KIAA1328: variants seen among roughly 807,000 people sequenced by gnomAD.
KIAA1328 encodes KIAA1328, also known as protein hinderin.
KIAA1328 carries 52 observed loss-of-function variants against 68.1 expected under a neutral mutation model. The observed-to-expected ratio is 0.76, with a 90% confidence interval of 0.61 to 0.96. The LOEUF (loss-of-function observed/expected upper bound fraction) is 0.96, where lower values mean the gene tolerates loss of function less well. Among genes scored for constraint, KIAA1328 ranks in the 40% least tolerant of loss-of-function variants. The pLI is 0.00. For missense variants in KIAA1328, 641 were observed against 677.6 expected (o/e 0.95, Z 0.60); for synonymous variants, 232 against 239.4 (o/e 0.97, Z 0.28).
intron 9 of KIAA1328, among the ~76,000 whole-genome samples, chr18:37,207,094 G>T (rs1234293592): frequency 6.6e-6 from 1 of 152,130 alleles, no homozygotes; most frequent in Non-Finnish European, 1.5e-5. Flanking sequence ...GAGGTAAAAA[G>T]GAGAAAGCCT....
intron 7 of KIAA1328, among the ~76,000 whole-genome samples, chr18:37,142,854 T>C (rs961487833): frequency 2.0e-5 from 3 of 152,174 alleles, no homozygotes; most frequent in African/African-American, 7.2e-5. Context: ...AATTGAATTA[T>C]GATTCAATCA....
At chr18:36,925,807 T>C (rs2050094599) in intron 5 of KIAA1328, among the ~76,000 whole-genome samples, 1 of 152,086 alleles carries the variant, frequency 6.6e-6, no homozygotes, top group South Asian at 2.1e-4. Context: ...CCGAAGTGCT[T>C]GGATTACAGG....
intron 7 of KIAA1328, among the ~76,000 whole-genome samples, chr18:37,094,055 G>C (rs2057336545): frequency 6.6e-6 from 1 of 152,170 alleles, no homozygotes; most frequent in African/African-American, 2.4e-5. Flanking sequence ...GATGGTTTTG[G>C]GATGAAACTG....
At chr18:37,108,924 C>A (rs2057850228) in intron 7 of KIAA1328, among the ~76,000 whole-genome samples, 1 of 149,754 alleles carries the variant, frequency 6.7e-6, no homozygotes, top group African/African-American at 2.5e-5. Flanking sequence ...ACTATCCCTC[C>A]CCCAGCCCCC....
chr18:36,971,516 C>T (rs1331765316), intron 6 of KIAA1328, among the ~76,000 whole-genome samples: 6 of 152,100 alleles, frequency 3.9e-5, no homozygotes, highest in Non-Finnish European at 1.5e-5. Context: ...GTAATCCCAG[C>T]TACTTGGGAG....
At chr18:36,992,451 C>CTTTTTTTT (rs71168252) in intron 6 of KIAA1328, among the ~76,000 whole-genome samples, 35 of 130,064 alleles carry the variant, frequency 2.7e-4, no homozygotes, top group African/African-American at 1.1e-3. Flanking sequence ...TCTTTTCTTT[C>CTTTTTTTT]TTTTTTTTTT....
At chr18:37,083,376 G>A (rs577792119) in intron 7 of KIAA1328, among the ~76,000 whole-genome samples, 1 of 152,158 alleles carries the variant, frequency 6.6e-6, no homozygotes, top group South Asian at 2.1e-4. Flanking sequence ...TGATGAAAAT[G>A]ACAATATTGT....
chr18:37,222,550 T>C lies in KIAA1328; in HGVS notation c.*323T>C, dbSNP rs2060583484. On this transcript the variant is annotated 3_prime_UTR_variant, in exon 10 of 10. Coordinates refer to ENST00000280020, the MANE Select transcript of KIAA1328 (RefSeq NM_020776.3). ...GCCTCATTTCAAGAGTGTTTCCTTC[T>C]CAAACTTCTGCTAGAAAATGCTGAC... 1.7e-5 allele frequency: 19 copies of C among 1,103,410 alleles called. No homozygotes were observed. The highest frequency in any genetic ancestry group is 2.1e-5 in the Non-Finnish European group (19 of 903,568). 68.4% of individuals were successfully genotyped at this position (1,103,410 alleles called of 1,614,324 possible). A position where few individuals can be genotyped will look rare whatever the true frequency, so the allele number is the denominator to read the frequency against.
chr18:37,119,397 C>A (rs2058209114), intron 7 of KIAA1328, among the ~76,000 whole-genome samples: 1 of 152,066 alleles, frequency 6.6e-6, no homozygotes, highest in South Asian at 2.1e-4. Flanking sequence ...CTCAAACAAC[C>A]CGAAATTTAT....
At chr18:37,041,819 A>T (rs978451278) in intron 6 of KIAA1328, among the ~76,000 whole-genome samples, 2 of 151,904 alleles carry the variant, frequency 1.3e-5, no homozygotes, top group African/African-American at 4.8e-5. Context: ...TAAAATATAA[A>T]CTTTGTTTCA....
chr18:37,178,966 T>C (rs534969488), intron 9 of KIAA1328, among the ~76,000 whole-genome samples: 73 of 152,352 alleles, frequency 4.8e-4, no homozygotes, highest in African/African-American at 1.7e-3. Context: ...TTATATATTT[T>C]GCATAGTAAC....
At chr18:37,151,179 T>G (rs1178495633) in intron 7 of KIAA1328, among the ~76,000 whole-genome samples, 1 of 152,140 alleles carries the variant, frequency 6.6e-6, no homozygotes, top group African/African-American at 2.4e-5. Flanking sequence ...GCATTTATAG[T>G]ACCATCAAAA....
chr18:37,230,831 T>G (rs2060661033), downstream of KIAA1328: 1 of 152,220 alleles, frequency 6.6e-6, no homozygotes, highest in African/African-American at 2.4e-5. Flanking sequence ...TAGCATTTTC[T>G]TTCTTACAAA....
chr18:37,030,085 A>G (rs2054761683), intron 6 of KIAA1328, among the ~76,000 whole-genome samples: 1 of 151,860 alleles, frequency 6.6e-6, no homozygotes, highest in Non-Finnish European at 1.5e-5. Context: ...TATTATGCAC[A>G]TCTATTTTCT....
downstream of KIAA1328, among the ~76,000 whole-genome samples, chr18:37,228,485 G>T (rs1044136461): frequency 4.6e-5 from 7 of 152,060 alleles, no homozygotes; most frequent in Non-Finnish European, 1.0e-4. Context: ...TCAGTCAGTA[G>T]CCATCAACAT....
chr18:36,937,946 C>A (rs1043622931), intron 5 of KIAA1328, among the ~76,000 whole-genome samples: 1 of 151,996 alleles, frequency 6.6e-6, no homozygotes, highest in Non-Finnish European at 1.5e-5. Flanking sequence ...GAATTTCATT[C>A]TTTTTTATGG....
chr18:37,112,040 G>A (rs558308437), intron 7 of KIAA1328, among the ~76,000 whole-genome samples: 1 of 152,280 alleles, frequency 6.6e-6, no homozygotes, highest in East Asian at 1.9e-4. Flanking sequence ...GAACTGGGTG[G>A]AACCTACCGC....
In KIAA1328 at chr18:36,991,937, AGTT is replaced by A. The variant is rs1213170355; in HGVS notation, c.576+32506_576+32508del. 2.6e-5 allele frequency among the ~76,000 whole-genome samples: 4 copies of A among 152,302 alleles called. No individual in the cohort carries two copies. In the East Asian group the frequency reaches 7.7e-4, roughly 29 times the overall value. On this transcript the variant is annotated intron_variant, in intron 6 of 9. Coordinates refer to ENST00000280020, the MANE Select transcript of KIAA1328 (RefSeq NM_020776.3). ...GCCAGAAGGGACTACTGGGAGTTGTAGTTGTTCGGGGGCCACCACCATAACAGA... is the reference window on the plus strand; with the variant it reads ...GCCAGAAGGGACTACTGGGAGTTGTAGTTCGGGGGCCACCACCATAACAGA...
At chr18:37,054,736 A>T (rs2055842990) in intron 6 of KIAA1328, among the ~76,000 whole-genome samples, 1 of 152,190 alleles carries the variant, frequency 6.6e-6, no homozygotes, top group Non-Finnish European at 1.5e-5. Flanking sequence ...TGGGTGATGG[A>T]TTCACTGGAA....
Sources: gnomAD v4.1 joint callset for allele counts (sites outside exome capture counted in the v4.1 genomes callset) on GRCh38, gnomAD v4.1.1 for gene constraint, MANE v1.5 for transcripts, NCBI Gene and HGNC (gene_info 2026-07-23, HGNC 2026-07-21) for gene names.